The following TRPV3 variants were observed in gnomAD, a reference collection of about 807,000 sequenced individuals.
TRPV3 encodes VRL-3.
Under a neutral mutation model 87.1 loss-of-function variants are expected in TRPV3, and 88 were observed. The ratio of observed to expected loss-of-function variants is 1.01; its 90% CI spans 0.85 to 1.21. TRPV3 has a LOEUF of 1.21. TRPV3 is among the 50% of genes most tolerant of loss of function. The pLI, the probability that TRPV3 is intolerant of heterozygous loss-of-function variation, is 0.00. For synonymous variants in TRPV3, 438 were observed against 423.3 expected (o/e 1.03, Z -0.43); for missense variants, 1,054 against 1,030.1 (o/e 1.02, Z -0.32).
chr17:3,540,754 G>T (rs530092133), intron 6 of TRPV3, among the ~76,000 whole-genome samples: 1 of 152,298 alleles, frequency 6.6e-6, no homozygotes, highest in South Asian at 2.1e-4. Flanking sequence ...GCAAGCTTGA[G>T]GCACTGGCCT....
At chr17:3,525,065 G>A (rs571702599) in intron 12 of TRPV3, among the ~76,000 whole-genome samples, 10 of 152,308 alleles carry the variant, frequency 6.6e-5, no homozygotes, top group South Asian at 2.1e-4. Context: ...TGTCACCTAG[G>A]CTGGAGTACA....
intron 14 of TRPV3, among the ~76,000 whole-genome samples, chr17:3,519,455 T>TGGATGGATG (rs1440984806): frequency 7.7e-6 from 1 of 129,136 alleles, no homozygotes; most frequent in African/African-American, 3.5e-5. Flanking sequence ...GATGGATAGA[T>TGGATGGATG]GATTAGATGG....
At chr17:3,527,184 G>A (rs892999116) in intron 11 of TRPV3, among the ~76,000 whole-genome samples, 2 of 152,150 alleles carry the variant, frequency 1.3e-5, no homozygotes, top group African/African-American at 4.8e-5. Flanking sequence ...CCTGCAAAGC[G>A]GTACTACCAC....
chr17:3,521,089 C>T (rs764532494), intron 13 of TRPV3, 50 bp from the exon 14 acceptor site: 84 of 1,239,558 alleles, frequency 6.8e-5, no homozygotes, highest in Non-Finnish European at 8.1e-5. Context: ...CACATATTCA[C>T]GGCACCCTGA....
chr17:3,553,804 C>G (rs913573021), intron 2 of TRPV3: 4 of 152,380 alleles, frequency 2.6e-5, no homozygotes, highest in Admixed American at 2.6e-4. Flanking sequence ...GGCTGGTACA[C>G]AGGACACCTC....
intron 11 of TRPV3, 135 bp from the exon 12 acceptor site, chr17:3,527,062 G>A (rs578194272): frequency 6.1e-5 from 42 of 685,062 alleles, no homozygotes; most frequent in South Asian, 2.5e-4. Context: ...TCCAGGTGGC[G>A]GATCTGAAAG....
At chr17:3,522,052 G>A (rs142609277) in intron 13 of TRPV3, among the ~76,000 whole-genome samples, 2 of 152,178 alleles carry the variant, frequency 1.3e-5, no homozygotes, top group African/African-American at 2.4e-5. Flanking sequence ...CTCCAGCCTG[G>A]GGGGCAGAGC....
chr17:3,519,974 TTGGA>T (rs56355146), intron 14 of TRPV3, among the ~76,000 whole-genome samples: 42,714 of 116,648 alleles, frequency 0.37, 6,437 homozygotes, highest in Middle Eastern at 0.42. Context: ...GGATGAATGA[TTGGA>T]TGGATGGATG....
In TRPV3 at chr17:3,524,761, C is replaced by T. The variant is rs145002562; in HGVS notation, c.1578-398G>A. Reference sequence around the variant, plus strand: ...CTGAGATAGGAGAAACGCTTCAGGCCAGGAGTTCAGGACCAGCCTGAGTGA... The same window carrying T: ...CTGAGATAGGAGAAACGCTTCAGGCTAGGAGTTCAGGACCAGCCTGAGTGA... On this transcript the variant is annotated intron_variant, in intron 12 of 17. Coordinates refer to ENST00000576742, the MANE Select transcript of TRPV3 (RefSeq NM_145068.4). Among the ~76,000 whole-genome samples the T allele has an allele frequency of 2.9e-3, 402 of 140,362 alleles. 2 individuals carry two copies. The highest frequency in any genetic ancestry group is 0.012 in the East Asian group (60 of 4,834). 92.1% of individuals were successfully genotyped at this position (140,362 alleles called of 152,430 possible).
chr17:3,516,503 C>T lies in TRPV3; in HGVS notation c.2152G>A (p.Gly718Arg), dbSNP rs751891074. Reference protein sequence around the residue: ...PEWLRSRFRMGELCKVAEDDF... With the variant: ...PEWLRSRFRMRELCKVAEDDF... Reference sequence around the variant, plus strand: ...TCCTCGGCCACTTTGCACAGCTCTCCCATCCGGAATCTGCTCCTCAGCCAT... The same window carrying T: ...TCCTCGGCCACTTTGCACAGCTCTCTCATCCGGAATCTGCTCCTCAGCCAT... The change falls in exon 16 of 18, where the codon GGA (glycine) becomes AGA (arginine). Residue 718 changes from glycine (G) to arginine (R), a missense_variant. Transcript: ENST00000576742. 6.2e-7 allele frequency: 1 copy of T among 1,614,172 alleles called. No homozygotes were observed. The highest frequency in any genetic ancestry group is 1.1e-5 in the South Asian group (1 of 91,088).
chr17:3,540,051 C>T (rs2074444371), intron 6 of TRPV3, among the ~76,000 whole-genome samples: 2 of 139,342 alleles, frequency 1.4e-5, no homozygotes, highest in Admixed American at 1.4e-4. Context: ...CAGCGGAACT[C>T]CATCTCAAAA....
At chr17:3,537,546 C>A (rs540058330) in intron 6 of TRPV3, among the ~76,000 whole-genome samples, 1 of 152,186 alleles carries the variant, frequency 6.6e-6, no homozygotes, top group East Asian at 1.9e-4. Context: ...TTTCCGAATG[C>A]ATCCTAATGA....
chr17:3,544,231 A>T (rs1169189278), intron 4 of TRPV3, among the ~76,000 whole-genome samples: 1 of 151,892 alleles, frequency 6.6e-6, no homozygotes, highest in Non-Finnish European at 1.5e-5. Context: ...CTTGTCTTGA[A>T]CTCCTGACCT....
Position 3,544,632 on chromosome 17 carries a change from G to A in TRPV3, c.258C>T (p.Pro86=). Reference sequence around the variant, plus strand: ...CTGTCACATCATCCTGAGGAGACTGGGGGGAGTCCATGTCATCACAGTTAC... The same window carrying A: ...CTGTCACATCATCCTGAGGAGACTGAGGGGAGTCCATGTCATCACAGTTAC... ...ISGNCDDMDS[P]QSPQDDVTET... The change falls in exon 4 of 18, where the codon CCC becomes CCT. Residue 86 remains proline, a synonymous_variant. Transcript: ENST00000576742. The A allele has an allele frequency of 6.2e-7, 1 of 1,609,610 alleles. No individual in the cohort carries two copies. The highest frequency in any genetic ancestry group is 1.1e-5 in the South Asian group (1 of 90,620).
intron 2 of TRPV3, chr17:3,554,313 G>C (rs541449914): frequency 1.2e-5 from 2 of 163,884 alleles, no homozygotes; most frequent in Non-Finnish European, 2.6e-5. Context: ...TGAATAACCC[G>C]GCTGGGTGCA....
chr17:3,555,841 C>A (rs973266362), intron 1 of TRPV3, among the ~76,000 whole-genome samples: 7 of 152,018 alleles, frequency 4.6e-5, no homozygotes, highest in South Asian at 2.1e-4. Flanking sequence ...GAAAGCCATG[C>A]GGGCAGGCTG....
Position 3,518,797 on chromosome 17 carries a change from A to G in TRPV3, c.1864T>C (p.Tyr622His), listed in dbSNP as rs774942579. Residue 622 changes from tyrosine to histidine, a missense_variant, in exon 15 of 18, where the codon TAC (tyrosine) becomes CAC (histidine). Tyr to His is a moderately conservative substitution (Grantham distance 83, BLOSUM62 2). Coordinates refer to ENST00000576742, the MANE Select transcript of TRPV3 (RefSeq NM_145068.4). The surrounding 1 kb of genome is among the most constrained non-coding windows in gnomAD (Gnocchi z 4.3). The stretch of plus-strand genomic sequence containing the variant: ...AGCACTGCGTCGCTGAAGCTGCCGT[A>G]GGAGCTGCAGTCCTTGTTGTCTTTG... ...CPKDNKDCSSYGSFSDAVLEL... is the reference protein window; with the variant it reads ...CPKDNKDCSSHGSFSDAVLEL... 8.7e-6 allele frequency: 14 copies of G among 1,614,090 alleles called. No individual in the cohort carries two copies. Among genetic ancestry groups the G allele is most frequent in the African/African-American group, 8.0e-5 (6 of 74,944 alleles).
chr17:3,552,602 G>C (rs2074588528), intron 2 of TRPV3: 1 of 152,278 alleles, frequency 6.6e-6, no homozygotes, highest in African/African-American at 2.4e-5. Context: ...TTGGGGCAGA[G>C]AAGTGGACAG....
Position 3,542,606 on chromosome 17 carries a change from C to G in TRPV3, c.559G>C (p.Val187Leu), listed in dbSNP as rs773607374. The G allele has an allele frequency of 6.2e-7, 1 of 1,613,918 alleles. No individual in the cohort carries two copies. The highest frequency in any genetic ancestry group is 1.7e-5 in the Admixed American group (1 of 59,986). ...LNINPNTKEI[V>L]RILLAFAEEN... ...TCAGCAAAGGCAAGCAGGATCCGCA[C>G]TATCTCCTTGGTGTTGGGGTTGATG... The change falls in exon 6 of 18, where the codon GTG (valine) becomes CTG (leucine). Residue 187 changes from valine (V) to leucine (L), a missense_variant. Physicochemically the swap from Val to Leu is conservative, Grantham distance 32. Coordinates refer to ENST00000576742, the MANE Select transcript of TRPV3 (RefSeq NM_145068.4).
Sources: gnomAD v4.1 joint callset for allele counts (sites outside exome capture counted in the v4.1 genomes callset) on GRCh38, gnomAD v4.1.1 for gene constraint, Gnocchi (gnomAD v3.1) non-coding constraint, MANE v1.5 for transcripts, NCBI Gene and HGNC (gene_info 2026-07-23, HGNC 2026-07-21) for gene names.